The following BFSP2 variants were observed in gnomAD, a reference collection of about 807,000 sequenced individuals.
The protein encoded by BFSP2 is phakinin.
A neutral mutation model predicts 44.9 loss-of-function variants in BFSP2; 38 were observed. The observed-to-expected ratio is 0.85, with a 90% CI of 0.65 to 1.11. The LOEUF (loss-of-function observed/expected upper bound fraction) is 1.11. Ranked by LOEUF, BFSP2 falls within the 50% of genes least tolerant of loss-of-function variation. BFSP2 has a pLI of 0.00. For synonymous variants in BFSP2, 197 were observed against 209.9 expected (o/e 0.94, Z 0.53); for missense variants, 525 against 533.0 (o/e 0.99, Z 0.15).
intron 3 of BFSP2, among the ~76,000 whole-genome samples, chr3:133,449,659 C>A: frequency 6.6e-6 from 1 of 151,952 alleles, no homozygotes; most frequent in Non-Finnish European, 1.5e-5. Flanking sequence ...CAGGGGATCA[C>A]TTGAGCCCAG....
chr3:133,473,068 C>T (rs914303124), intron 6 of BFSP2, among the ~76,000 whole-genome samples: 1 of 151,854 alleles, frequency 6.6e-6, no homozygotes, highest in African/African-American at 2.4e-5. Context: ...GCTGGGGTTA[C>T]AGGTGTGAGC....
intron 4 of BFSP2, among the ~76,000 whole-genome samples, chr3:133,460,553 C>A (rs1054323642): frequency 6.6e-6 from 1 of 152,202 alleles, no homozygotes; most frequent in African/African-American, 2.4e-5. Flanking sequence ...CCACCATGCC[C>A]AGCTGATTTC....
intron 1 of BFSP2, among the ~76,000 whole-genome samples, chr3:133,431,901 A>G (rs1340160852): frequency 9.2e-5 from 14 of 152,032 alleles, no homozygotes; most frequent in South Asian, 2.1e-4. Context: ...ACTTTAAATT[A>G]TCTGCTTCCC....
At chr3:133,408,554 G>A (rs920789100) in intron 1 of BFSP2, among the ~76,000 whole-genome samples, 2 of 152,226 alleles carry the variant, frequency 1.3e-5, no homozygotes, top group African/African-American at 2.4e-5. Flanking sequence ...ATATGAACAA[G>A]AAGTATGTAC....
intron 1 of BFSP2, among the ~76,000 whole-genome samples, chr3:133,422,014 G>T (rs1322706840): frequency 1.4e-5 from 2 of 146,592 alleles, no homozygotes; most frequent in Non-Finnish European, 3.0e-5. Context: ...GGCTGAGGCA[G>T]GAAAATTGCT....
chr3:133,448,069 T>C (rs755894373), intron 2 of BFSP2, among the ~76,000 whole-genome samples: 2 of 152,192 alleles, frequency 1.3e-5, no homozygotes, highest in Non-Finnish European at 2.9e-5. Flanking sequence ...CATGGGTGCT[T>C]TGGAGACAGA....
chr3:133,415,583 CCCCTGCCCCCTCCGCTCTACTCA>C (rs2073515808), intron 1 of BFSP2, among the ~76,000 whole-genome samples: 2 of 119,486 alleles, frequency 1.7e-5, no homozygotes, highest in Non-Finnish European at 3.5e-5. Flanking sequence ...GCTCTACTCA[CCCCTGCCCCCTCCGCTCTACTCA>C]CCCCTCTACT....
chr3:133,450,061 A>G (rs947498678), intron 3 of BFSP2, among the ~76,000 whole-genome samples: 4 of 140,010 alleles, frequency 2.9e-5, no homozygotes, highest in African/African-American at 1.2e-4. Context: ...AAAGAAAGAG[A>G]GAGAAGGAAA....
intron 1 of BFSP2, chr3:133,410,620 CT>C: frequency 3.4e-6 from 1 of 298,086 alleles, no homozygotes; most frequent in Non-Finnish European, 6.8e-6. Context: ...TCTTTCCCAC[CT>C]TCGTTGATGT....
intron 4 of BFSP2, among the ~76,000 whole-genome samples, chr3:133,460,991 T>C (rs1576594968): frequency 1.3e-5 from 2 of 152,238 alleles, no homozygotes; most frequent in Non-Finnish European, 2.9e-5. Flanking sequence ...CTGCTGAGAA[T>C]GCACTTGCAA....
intron 1 of BFSP2, among the ~76,000 whole-genome samples, chr3:133,424,839 T>C (rs865828531): frequency 1.3e-5 from 2 of 152,176 alleles, no homozygotes; most frequent in South Asian, 4.1e-4. Context: ...TTCGCCATGT[T>C]GGCCAGGCTG....
At chr3:133,456,251 T>A (rs777044228) in intron 4 of BFSP2, among the ~76,000 whole-genome samples, 3 of 152,222 alleles carry the variant, frequency 2.0e-5, no homozygotes, top group Non-Finnish European at 4.4e-5. Context: ...TCATGTCACA[T>A]GTCAGGATGA....
At chr3:133,432,398 C>T (rs986836608) in intron 1 of BFSP2, among the ~76,000 whole-genome samples, 8 of 152,174 alleles carry the variant, frequency 5.3e-5, no homozygotes, top group Non-Finnish European at 1.2e-4. Flanking sequence ...CCCCTGCACC[C>T]CTCGTCCCAG....
intron 4 of BFSP2, chr3:133,455,428 C>T (rs1371980790): frequency 6.6e-6 from 1 of 152,172 alleles, no homozygotes; most frequent in Admixed American, 6.5e-5. Flanking sequence ...GAGGCCAGTC[C>T]TCCTCAGAGG....
chr3:133,472,283 C>A (rs2074169455), intron 5 of BFSP2, 62 bp from the exon 6 acceptor site: 4 of 1,532,708 alleles, frequency 2.6e-6, no homozygotes, highest in Non-Finnish European at 3.5e-6. Context: ...GCTCTGCACA[C>A]CTCCCTCTTC....
intron 1 of BFSP2, among the ~76,000 whole-genome samples, chr3:133,401,464 G>A (rs2073362173): frequency 6.6e-6 from 1 of 152,164 alleles, no homozygotes; most frequent in African/African-American, 2.4e-5. Context: ...ATTGGACAGG[G>A]AAGGATGCAG....
chr3:133,467,572 G>A (rs2074124094), intron 5 of BFSP2, among the ~76,000 whole-genome samples: 2 of 152,010 alleles, frequency 1.3e-5, no homozygotes, highest in Non-Finnish European at 2.9e-5. Flanking sequence ...CATCTAGTAA[G>A]CTCTCAGACT....
rs200926572 is a variant in BFSP2 at position 133,425,060 on chromosome 3, C to A, written c.490-22257C>A. ...CTACTGTCACGTGTAAATACAGAAT[C>A]CTGGGTGACGGTGGCATGCATTGGC... On this transcript the variant is annotated intron_variant, in intron 1 of 6. Transcript: ENST00000302334. Among the ~76,000 whole-genome samples, 6 of 152,150 alleles carry A rather than the reference C, an allele frequency of 3.9e-5. No individual in the cohort carries two copies. In the East Asian group the frequency reaches 1.2e-3, roughly 29 times the overall value.
At chr3:133,466,474 G>T (rs889064605) in intron 4 of BFSP2, among the ~76,000 whole-genome samples, 1 of 151,672 alleles carries the variant, frequency 6.6e-6, no homozygotes, top group Non-Finnish European at 1.5e-5. Flanking sequence ...GAGGTCAGGA[G>T]TTCAAGACCA....
Sources: allele counts gnomAD v4.1 joint callset (sites outside exome capture counted in the v4.1 genomes callset), GRCh38; gene constraint gnomAD v4.1.1; transcripts MANE v1.5; gene names NCBI Gene and HGNC (gene_info 2026-07-23, HGNC 2026-07-21).